SNX18: variants seen among roughly 807,000 people sequenced by gnomAD.
The protein encoded by SNX18 is sorting nexin-18.
SNX18 carries 35 observed loss-of-function variants against 48.7 expected under a neutral mutation model. That is an observed-to-expected ratio of 0.72 (90% confidence interval 0.55 to 0.95). The LOEUF is 0.95. SNX18 is among the 40% of genes least tolerant of loss of function. The pLI is 0.00. For missense variants in SNX18, 824 were observed against 871.0 expected (o/e 0.95, Z 0.68); for synonymous variants, 492 against 384.7 (o/e 1.28, Z -3.26).
At chr5:54,568,535 C>T in the SNX18 span, among the ~76,000 whole-genome samples, 4 of 152,312 alleles carry the variant, frequency 2.6e-5, no homozygotes, top group African/African-American at 9.6e-5. Context: ...CCACTGCCTT[C>T]CCCCATTTCC....
chr5:54,598,587 T>C, the SNX18 span, among the ~76,000 whole-genome samples: 1 of 152,090 alleles, frequency 6.6e-6, no homozygotes, highest in African/African-American at 2.4e-5. Context: ...CATACGCAAA[T>C]CAATAAATGT....
the SNX18 span, among the ~76,000 whole-genome samples, chr5:54,609,977 T>G: frequency 6.6e-6 from 1 of 151,912 alleles, no homozygotes; most frequent in East Asian, 1.9e-4. Flanking sequence ...GCACCTCCCC[T>G]CCTCTCTCTC....
chr5:54,555,826 C>CAA, the SNX18 span, among the ~76,000 whole-genome samples: 238 of 85,040 alleles, frequency 2.8e-3, 1 homozygote, highest in African/African-American at 9.2e-3. Context: ...GACCTTGTCT[C>CAA]AAAAAAAAAA....
chr5:54,555,146 T>A, the SNX18 span, among the ~76,000 whole-genome samples: 1 of 152,192 alleles, frequency 6.6e-6, no homozygotes, highest in South Asian at 2.1e-4. Context: ...TACTCCTCCT[T>A]TGGGACGGGG....
At chr5:54,639,224 T>C in the SNX18 span, among the ~76,000 whole-genome samples, 2 of 152,218 alleles carry the variant, frequency 1.3e-5, no homozygotes, top group Non-Finnish European at 1.5e-5. Flanking sequence ...TTATAGTTTA[T>C]AACCAGCAAT....
At chr5:54,532,642 C>A (rs1762270108) in intron 1 of SNX18, among the ~76,000 whole-genome samples, 1 of 152,114 alleles carries the variant, frequency 6.6e-6, no homozygotes, top group South Asian at 2.1e-4. Flanking sequence ...TGCCACCATA[C>A]CCAAAAACAC....
In SNX18 at chr5:54,519,143, C is replaced by A. The variant is rs754898536; in HGVS notation, c.1191C>A (p.Ala397=). 6.2e-7 allele frequency: 1 copy of A among 1,613,994 alleles called. No individual in the cohort carries two copies. Among genetic ancestry groups the A allele is most frequent in the African/African-American group, 1.3e-5 (1 of 75,046 alleles). ...CCTGGAAGCAGGGCAAGAGGAAGGCCGAGAAGGACGAGATGGTGGGCGCCA... is the reference window on the plus strand; with the variant it reads ...CCTGGAAGCAGGGCAAGAGGAAGGCAGAGAAGGACGAGATGGTGGGCGCCA... ...EKAWKQGKRK[A]EKDEMVGANF... Residue 397 remains alanine (A), a synonymous_variant, in exon 1 of 2, where the codon GCC becomes GCA. Transcript: ENST00000381410.
At chr5:54,571,255 G>A in the SNX18 span, among the ~76,000 whole-genome samples, 3 of 152,150 alleles carry the variant, frequency 2.0e-5, no homozygotes, top group African/African-American at 7.2e-5. Context: ...TCTCTCGGGA[G>A]GGGAAAGGAG....
the SNX18 span, among the ~76,000 whole-genome samples, chr5:54,634,214 T>G: frequency 6.6e-6 from 1 of 152,234 alleles, no homozygotes; most frequent in Non-Finnish European, 1.5e-5. Context: ...GCTTATTGGA[T>G]TTCCTTATAA....
At chr5:54,557,075 A>ACAG in the SNX18 span, among the ~76,000 whole-genome samples, 1 of 152,260 alleles carries the variant, frequency 6.6e-6, no homozygotes, top group African/African-American at 2.4e-5. Flanking sequence ...CAGCAAAGAT[A>ACAG]CAGCACAGAA....
At chr5:54,584,167 C>T in the SNX18 span, among the ~76,000 whole-genome samples, 1 of 150,752 alleles carries the variant, frequency 6.6e-6, no homozygotes, top group African/African-American at 2.4e-5. Context: ...TATTCTGCCT[C>T]AGCCTCTCAA....
chr5:54,527,078 A>T (rs1374465285), intron 1 of SNX18, among the ~76,000 whole-genome samples: 2 of 152,030 alleles, frequency 1.3e-5, no homozygotes, highest in African/African-American at 4.8e-5. Flanking sequence ...CTAGGAGATG[A>T]GGTCATGGAA....
chr5:54,647,397 T>A, the SNX18 span, among the ~76,000 whole-genome samples: 1 of 152,152 alleles, frequency 6.6e-6, no homozygotes, highest in African/African-American at 2.4e-5. Flanking sequence ...GAGTTTTCTT[T>A]AACGAGTGAT....
the SNX18 span, among the ~76,000 whole-genome samples, chr5:54,607,908 T>G: frequency 1.3e-5 from 2 of 152,106 alleles, no homozygotes; most frequent in Non-Finnish European, 2.9e-5. Flanking sequence ...CACTCCAGCC[T>G]GGGTGACCGA....
chr5:54,602,484 G>A, the SNX18 span, among the ~76,000 whole-genome samples: 349 of 152,314 alleles, frequency 2.3e-3, 1 homozygote, highest in African/African-American at 7.7e-3. Context: ...CTGACGGGAC[G>A]TTAGCGGTGG....
At chr5:54,632,886 T>C in the SNX18 span, among the ~76,000 whole-genome samples, 1 of 152,104 alleles carries the variant, frequency 6.6e-6, no homozygotes, top group Non-Finnish European at 1.5e-5. Flanking sequence ...GTGATTCTCC[T>C]GCCTCGGCCT....
chr5:54,556,098 T>A, the SNX18 span, among the ~76,000 whole-genome samples: 1 of 152,300 alleles, frequency 6.6e-6, no homozygotes, highest in Non-Finnish European at 1.5e-5. Flanking sequence ...ACTAACACAA[T>A]ATTTTATCAG....
At chr5:54,598,144 T>A in the SNX18 span, among the ~76,000 whole-genome samples, 1 of 152,132 alleles carries the variant, frequency 6.6e-6, no homozygotes, top group South Asian at 2.1e-4. Flanking sequence ...ATGGATAAAT[T>A]CCTAGACACA....
intron 1 of SNX18, chr5:54,519,828 C>G: frequency 5.6e-6 from 9 of 1,600,124 alleles, no homozygotes; most frequent in Non-Finnish European, 7.7e-6. Flanking sequence ...GATGACAGTG[C>G]TATCATTTTA....
Sources: allele counts gnomAD v4.1 joint callset (sites outside exome capture counted in the v4.1 genomes callset), GRCh38; gene constraint gnomAD v4.1.1; transcripts MANE v1.5; gene names NCBI Gene and HGNC (gene_info 2026-07-23, HGNC 2026-07-21).